Variants in R3HDM1 observed in about 807,000 individuals in gnomAD.
The protein encoded by R3HDM1 is R3H domain containing 1.
R3HDM1 carries 46 observed loss-of-function variants against 141.1 expected under a neutral mutation model. The observed-to-expected ratio is 0.33, with a 90% CI of 0.26 to 0.42. The LOEUF is 0.42. R3HDM1 is among the 10% of genes least tolerant of loss of function. R3HDM1 has a pLI of 1.00. For missense variants in R3HDM1, 1,184 were observed against 1,368.3 expected (o/e 0.87, Z 2.12); for synonymous variants, 435 against 472.9 (o/e 0.92, Z 1.04).
chr2:135,572,730 TATA>T (rs1167933228), intron 1 of R3HDM1, among the ~76,000 whole-genome samples: 2 of 148,804 alleles, frequency 1.3e-5, no homozygotes, highest in South Asian at 2.1e-4. Context: ...GCAGCATATT[TATA>T]ATAATCAATA....
chr2:135,699,032 TA>T (rs2073777050), intron 21 of R3HDM1, among the ~76,000 whole-genome samples: 10 of 95,418 alleles, frequency 1.0e-4, no homozygotes, highest in South Asian at 3.5e-4. Context: ...GATAGATAGA[TA>T]GATAGATAGA....
chr2:135,613,675 G>C (rs1415496677), intron 3 of R3HDM1, among the ~76,000 whole-genome samples: 1 of 152,174 alleles, frequency 6.6e-6, no homozygotes, highest in Non-Finnish European at 1.5e-5. Flanking sequence ...AATTAGCTGG[G>C]CATGGTGGCA....
At chr2:135,683,058 T>G (rs1356169666) in intron 21 of R3HDM1, among the ~76,000 whole-genome samples, 1 of 152,148 alleles carries the variant, frequency 6.6e-6, no homozygotes, top group African/African-American at 2.4e-5. Flanking sequence ...ATGAGGCAGA[T>G]AAACTTGAAA....
At chr2:135,578,049 T>G (rs1388300942) in intron 1 of R3HDM1, among the ~76,000 whole-genome samples, 3 of 152,132 alleles carry the variant, frequency 2.0e-5, no homozygotes, top group Admixed American at 1.3e-4. Context: ...CAATCCCACT[T>G]CTAGGAATCT....
intron 21 of R3HDM1, among the ~76,000 whole-genome samples, chr2:135,693,430 G>C (rs1431813833): frequency 4.6e-5 from 7 of 152,148 alleles, no homozygotes; most frequent in Non-Finnish European, 7.3e-5. Context: ...GAGTGTGGAA[G>C]CCAACATACA....
intron 23 of R3HDM1, among the ~76,000 whole-genome samples, chr2:135,711,264 T>C (rs1476871283): frequency 6.6e-6 from 1 of 152,224 alleles, no homozygotes; most frequent in African/African-American, 2.4e-5. Flanking sequence ...GTTACTTGAA[T>C]AGATGGCATT....
intron 1 of R3HDM1, chr2:135,586,703 A>G (rs1025234165): frequency 1.0e-6 from 1 of 985,276 alleles, no homozygotes; most frequent in African/African-American, 1.7e-5. Flanking sequence ...AGTGAAAAGT[A>G]GAGTCATTTA....
intron 1 of R3HDM1, among the ~76,000 whole-genome samples, chr2:135,559,873 C>T (rs1047749597): frequency 4.6e-5 from 7 of 152,194 alleles, no homozygotes; most frequent in African/African-American, 1.4e-4. Context: ...CATTCACTTA[C>T]TAAATAAAAG....
intron 9 of R3HDM1, among the ~76,000 whole-genome samples, 153 bp downstream of exon 9, chr2:135,632,154 G>A (rs1304906820): frequency 2.0e-5 from 3 of 151,896 alleles, no homozygotes; most frequent in African/African-American, 7.3e-5. Context: ...AACACATTTA[G>A]TTTACTGGGA....
Position 135,641,355 on chromosome 2 carries a change from T to A in R3HDM1, c.1220-181T>A, listed in dbSNP as rs75345212. Among the ~76,000 whole-genome samples, 61 of 152,348 alleles carry A rather than the reference T, an allele frequency of 4.0e-4. 1 individual carries two copies. In the East Asian group the frequency reaches 0.011, roughly 28 times the overall value. ...TCTCTGACAACTTACGTAATCAGTT[T>A]GCTGTATTAAACTTGTTCGTTATGG... On this transcript the variant is annotated intron_variant, in intron 14 of 26. Coordinates refer to ENST00000683871, the MANE Select transcript of R3HDM1 (RefSeq NM_001378107.1).
At chr2:135,722,438 C>A in intron 25 of R3HDM1, 31 bp from the exon 26 acceptor site, 2 of 1,606,292 alleles carry the variant, frequency 1.2e-6, no homozygotes, top group Non-Finnish European at 1.7e-6. Flanking sequence ...GCATTATTAA[C>A]GTTGTTTCTC....
intron 21 of R3HDM1, among the ~76,000 whole-genome samples, chr2:135,685,894 G>A (rs1203919203): frequency 6.6e-6 from 1 of 152,052 alleles, no homozygotes; most frequent in East Asian, 1.9e-4. Context: ...CAGGACTGGT[G>A]GAAGGAATTA....
At chr2:135,638,352 C>G (rs1300998217) in intron 11 of R3HDM1, among the ~76,000 whole-genome samples, 1 of 152,032 alleles carries the variant, frequency 6.6e-6, no homozygotes, top group East Asian at 1.9e-4. Context: ...AATGGGTTCA[C>G]TTATTTGGAA....
chr2:135,581,364 A>G (rs556233079), intron 1 of R3HDM1: 1 of 985,080 alleles, frequency 1.0e-6, no homozygotes, highest in African/African-American at 1.7e-5. Flanking sequence ...GGAACATTTC[A>G]CTTTACCTTT....
At chr2:135,671,131 T>C (rs2068268802) in intron 19 of R3HDM1, among the ~76,000 whole-genome samples, 1 of 150,488 alleles carries the variant, frequency 6.6e-6, no homozygotes, top group Admixed American at 6.7e-5. Flanking sequence ...CTTTACATAC[T>C]AGATATAAAG....
intron 24 of R3HDM1, among the ~76,000 whole-genome samples, chr2:135,717,638 AATAATAAGT>A (rs2076299930): frequency 6.6e-6 from 1 of 152,216 alleles, no homozygotes; most frequent in Admixed American, 6.5e-5. Context: ...TGGGTGATAA[AATAATAAGT>A]ACACCAAACC....
At chr2:135,570,797 T>C (rs1703932696) in intron 1 of R3HDM1, among the ~76,000 whole-genome samples, 1 of 152,248 alleles carries the variant, frequency 6.6e-6, no homozygotes, top group Non-Finnish European at 1.5e-5. Flanking sequence ...AATTTTATTG[T>C]TCCAGGTCCT....
rs557148772 is a variant in R3HDM1 at position 135,531,578 on chromosome 2, C to A, written c.-305C>A. On this transcript the variant is annotated 5_prime_UTR_variant, in exon 1 of 27. Transcript: ENST00000683871. ...GACTCTTACTTGCACCCACCCAGCCCCGCCGTCGCCCCGCCGCGCCGCGCT... is the reference window on the plus strand; with the variant it reads ...GACTCTTACTTGCACCCACCCAGCCACGCCGTCGCCCCGCCGCGCCGCGCT... 1 of 986,728 alleles carries A rather than the reference C, an allele frequency of 1.0e-6. No homozygotes were observed. The highest frequency in any genetic ancestry group is 4.7e-5 in the South Asian group (1 of 21,396). The allele number at this position is 986,728 out of a possible 1,614,324, so 61.1% of individuals were successfully genotyped here. A position where few individuals can be genotyped will look rare whatever the true frequency, so the allele number is the denominator to read the frequency against.
intron 18 of R3HDM1, among the ~76,000 whole-genome samples, chr2:135,654,393 T>C (rs1559354816): frequency 6.6e-6 from 1 of 152,092 alleles, no homozygotes; most frequent in Non-Finnish European, 1.5e-5. Flanking sequence ...TTCTTTCCCT[T>C]TTTATCCATT....
Sources: allele counts gnomAD v4.1 joint callset (sites outside exome capture counted in the v4.1 genomes callset), GRCh38; gene constraint gnomAD v4.1.1; transcripts MANE v1.5; gene names NCBI Gene and HGNC (gene_info 2026-07-23, HGNC 2026-07-21).